Variants in PATJ observed in about 807,000 individuals in gnomAD.
The protein encoded by PATJ is inaD-like protein.
Under a neutral mutation model 224.9 loss-of-function variants are expected in PATJ, and 190 were observed. That is an observed-to-expected ratio of 0.84 (90% CI 0.75 to 0.95). PATJ has a LOEUF of 0.95. Among genes scored for constraint, PATJ ranks in the 40% least tolerant of loss-of-function variants. The probability of loss-of-function intolerance (pLI) is 0.00; values close to 1 mark genes in which losing one functional copy is unlikely to be tolerated. For missense variants in PATJ, 2,121 were observed against 2,270.3 expected, an observed-to-expected ratio of 0.93 and a Z score of 1.34; for synonymous variants, 769 against 820.3, an observed-to-expected ratio of 0.94 and a Z score of 1.07.
At chr1:62,149,669 T>C (rs1242673188) in intron 42 of PATJ, among the ~76,000 whole-genome samples, 4 of 152,020 alleles carry the variant, frequency 2.6e-5, no homozygotes, top group African/African-American at 9.7e-5. Context: ...CATCCTTTGA[T>C]GTGGCTATGG....
At chr1:61,791,129 T>G (rs1025380922) in intron 8 of PATJ, among the ~76,000 whole-genome samples, 3 of 152,206 alleles carry the variant, frequency 2.0e-5, no homozygotes, top group Admixed American at 6.5e-5. Context: ...TTTAAAGGAC[T>G]CCAGTGATGA....
At chr1:61,972,356 G>C (rs1410409308) in intron 27 of PATJ, among the ~76,000 whole-genome samples, 1 of 152,044 alleles carries the variant, frequency 6.6e-6, no homozygotes, top group African/African-American at 2.4e-5. Flanking sequence ...TGGATTTTCA[G>C]ATTAGGAATG....
intron 17 of PATJ, among the ~76,000 whole-genome samples, chr1:61,842,552 A>G (rs140013277): frequency 1.2e-4 from 19 of 152,242 alleles, no homozygotes; most frequent in African/African-American, 4.6e-4. Flanking sequence ...TATTACCTTT[A>G]GTGAGTGTTT....
At chr1:61,971,493 A>C (rs1409853749) in intron 27 of PATJ, among the ~76,000 whole-genome samples, 1 of 151,992 alleles carries the variant, frequency 6.6e-6, no homozygotes, top group Non-Finnish European at 1.5e-5. Flanking sequence ...GCATGCCTGT[A>C]GTCCCAGCTA....
chr1:61,936,242 A>T (rs895026582), intron 27 of PATJ, among the ~76,000 whole-genome samples: 4 of 151,028 alleles, frequency 2.6e-5, no homozygotes, highest in African/African-American at 7.3e-5. Flanking sequence ...ATACATATAT[A>T]TTTTAATTTT....
At chr1:61,961,807 A>T (rs1466558867) in intron 27 of PATJ, among the ~76,000 whole-genome samples, 7 of 151,658 alleles carry the variant, frequency 4.6e-5, no homozygotes, top group African/African-American at 1.7e-4. Flanking sequence ...CGTCTCTACT[A>T]AAAATACAAA....
At chr1:62,021,165 T>C (rs61775627) in intron 29 of PATJ, among the ~76,000 whole-genome samples, 21,481 of 151,988 alleles carry the variant, frequency 0.14, 1,641 homozygotes, top group Middle Eastern at 0.24. Context: ...GGCTAGGAAG[T>C]TTGAGATCAA....
At chr1:61,974,387 A>ATC (rs1553227611) in intron 27 of PATJ, among the ~76,000 whole-genome samples, 2,139 of 127,896 alleles carry the variant, frequency 0.017, 147 homozygotes, top group African/African-American at 0.064. Flanking sequence ...AGATACCCCC[A>ATC]TCTCTCTCTC....
intron 30 of PATJ, among the ~76,000 whole-genome samples, chr1:62,044,120 C>T (rs1157916769): frequency 2.6e-5 from 4 of 152,174 alleles, no homozygotes; most frequent in Non-Finnish European, 5.9e-5. Context: ...GTGGTGAGAA[C>T]AGTTGAAATC....
At chr1:61,825,981 G>T (rs1258411394) in intron 15 of PATJ, among the ~76,000 whole-genome samples, 1 of 152,142 alleles carries the variant, frequency 6.6e-6, no homozygotes, top group African/African-American at 2.4e-5. Flanking sequence ...GTACCTCCCT[G>T]CCTCTTCTTG....
At chr1:61,794,693 A>C (rs573270598) in intron 9 of PATJ, among the ~76,000 whole-genome samples, 1 of 152,092 alleles carries the variant, frequency 6.6e-6, no homozygotes, top group African/African-American at 2.4e-5. Context: ...TTAAGACCAT[A>C]TGTACTTTTC....
intron 27 of PATJ, 111 bp from the exon 28 acceptor site, chr1:61,990,057 A>G: frequency 1.2e-6 from 1 of 848,630 alleles, no homozygotes; most frequent in South Asian, 1.8e-5. Context: ...TCTCTTAAAA[A>G]ACAAAAAAGG....
chr1:62,070,942 A>T (rs1364737495), intron 31 of PATJ, among the ~76,000 whole-genome samples: 1 of 152,202 alleles, frequency 6.6e-6, no homozygotes, highest in African/African-American at 2.4e-5. Context: ...AATAACAATG[A>T]ACAGCTGGGC....
At chr1:62,102,478 GA>G (rs1662294412) in intron 33 of PATJ, among the ~76,000 whole-genome samples, 1 of 151,986 alleles carries the variant, frequency 6.6e-6, no homozygotes, top group African/African-American at 2.4e-5. Flanking sequence ...ATTTGTCTTA[GA>G]AAAAAATCAT....
chr1:62,122,498 T>C (rs1197805307), intron 38 of PATJ, among the ~76,000 whole-genome samples: 1 of 151,424 alleles, frequency 6.6e-6, no homozygotes, highest in African/African-American at 2.4e-5. Flanking sequence ...TATGGCCACA[T>C]TGATCTCAAA....
chr1:61,908,253 C>T, intron 24 of PATJ, 119 bp from the exon 25 acceptor site: 1 of 633,270 alleles, frequency 1.6e-6, no homozygotes, highest in Non-Finnish European at 2.7e-6. Context: ...TTTTTTCTGA[C>T]CGTCTACTCA....
chr1:62,030,932 G>T (rs767057292), intron 29 of PATJ, among the ~76,000 whole-genome samples: 8 of 152,012 alleles, frequency 5.3e-5, no homozygotes, highest in African/African-American at 7.3e-5. Flanking sequence ...TGAACATTTG[G>T]GTTGTTTCCA....
intron 30 of PATJ, among the ~76,000 whole-genome samples, chr1:62,040,843 A>G (rs925536743): frequency 7.2e-5 from 11 of 152,172 alleles, no homozygotes; most frequent in Admixed American, 6.5e-5. Flanking sequence ...GGGAAGAAAA[A>G]TAACTTTTTT....
intron 26 of PATJ, among the ~76,000 whole-genome samples, 166 bp from the exon 27 acceptor site, chr1:61,927,559 TATAAC>T (rs1279629503): frequency 6.6e-6 from 1 of 152,246 alleles, no homozygotes; most frequent in Non-Finnish European, 1.5e-5. Flanking sequence ...ACTTTTATAT[TATAAC>T]ATAAGCCTAA....
Sources: allele counts gnomAD v4.1 joint callset (sites outside exome capture counted in the v4.1 genomes callset), GRCh38; gene constraint gnomAD v4.1.1; transcripts MANE v1.5; gene names NCBI Gene and HGNC (gene_info 2026-07-23, HGNC 2026-07-21).